Variants in CHN2 observed in about 807,000 individuals in gnomAD.
The protein encoded by CHN2 is beta-chimaerin.
A neutral mutation model predicts 56.3 loss-of-function variants in CHN2; 35 were observed. The observed-to-expected ratio is 0.62, with a 90% CI of 0.47 to 0.82. CHN2 has a LOEUF of 0.82. CHN2 is among the 40% of genes least tolerant of loss of function. The pLI is 0.00. For synonymous variants in CHN2, 210 were observed against 212.8 expected (o/e 0.99, Z 0.12); for missense variants, 491 against 580.5 (o/e 0.85, Z 1.58).
chr7:29,263,235 G>T (rs1016178896), intron 1 of CHN2, among the ~76,000 whole-genome samples: 4 of 152,216 alleles, frequency 2.6e-5, no homozygotes, highest in Non-Finnish European at 5.9e-5. Context: ...TCGCCGTGTT[G>T]GCCGGGCTGG....
intron 6 of CHN2, among the ~76,000 whole-genome samples, chr7:29,459,844 C>T (rs964348064): frequency 2.6e-5 from 4 of 152,126 alleles, no homozygotes; most frequent in Non-Finnish European, 4.4e-5. Flanking sequence ...GCTTGTCTAT[C>T]GTTACCATTA....
At chr7:29,344,529 T>A (rs1797278246) in intron 1 of CHN2, among the ~76,000 whole-genome samples, 1 of 152,136 alleles carries the variant, frequency 6.6e-6, no homozygotes, top group African/African-American at 2.4e-5. Context: ...CTCAGTGCCA[T>A]GTCCTGTCTT....
chr7:29,157,011 C>G lies in CHN2; in HGVS notation c.274+10051C>G, dbSNP rs553143654. Among the ~76,000 whole-genome samples, 5 of 152,316 alleles carry G rather than the reference C, an allele frequency of 3.3e-5. No individual in the cohort carries two copies. The East Asian group carries it at 9.6e-4, about 29-fold the overall frequency. ...TTCACACATTGGTCCACCCTACCCC[C>G]ACTTGATGTCAGCAGGAAGTAATCT... On this transcript the variant is annotated intron_variant, in intron 2 of 6. Coordinates refer to the CHN2 transcript ENST00000439384.
intron 6 of CHN2, among the ~76,000 whole-genome samples, chr7:29,427,232 C>T (rs937329144): frequency 2.0e-5 from 3 of 152,206 alleles, no homozygotes; most frequent in African/African-American, 7.2e-5. Flanking sequence ...ACAAGAATCT[C>T]TTCAACCTGG....
chr7:29,192,069 G>C (rs146270615), upstream of CHN2: 1 of 152,156 alleles, frequency 6.6e-6, no homozygotes, highest in Non-Finnish European at 1.5e-5. Context: ...TCTGAACCTG[G>C]AGCTTTCTGT....
chr7:29,412,346 T>TTTG (rs1803315897), intron 6 of CHN2, among the ~76,000 whole-genome samples: 1 of 102,332 alleles, frequency 9.8e-6, no homozygotes, highest in African/African-American at 3.8e-5. Context: ...TTTTTTTTTT[T>TTTG]TTGGGAGACG....
chr7:29,165,171 T>C (rs1795743357), intron 2 of CHN2, among the ~76,000 whole-genome samples: 1 of 152,198 alleles, frequency 6.6e-6, no homozygotes, highest in Non-Finnish European at 1.5e-5. Context: ...TAATATAGTT[T>C]TTGATTTATG....
At chr7:29,483,117 G>C (rs1425964645) in intron 7 of CHN2, among the ~76,000 whole-genome samples, 1 of 151,986 alleles carries the variant, frequency 6.6e-6, no homozygotes, top group East Asian at 1.9e-4. Flanking sequence ...CACCGCGCCC[G>C]GCCTGCACTT....
At chr7:29,164,211 C>T (rs1206797254) in intron 2 of CHN2, among the ~76,000 whole-genome samples, 2 of 152,118 alleles carry the variant, frequency 1.3e-5, no homozygotes, top group Non-Finnish European at 2.9e-5. Context: ...GTCAACTCAC[C>T]GTGATTTAAA....
At chr7:29,240,816 TTCGTCGTCG>T (rs3046891) in intron 1 of CHN2, among the ~76,000 whole-genome samples, 2 of 149,442 alleles carry the variant, frequency 1.3e-5, no homozygotes, top group Non-Finnish European at 3.0e-5. Context: ...CTTCTTCTTC[TTCGTCGTCG>T]TCGTCGTCGT....
intron 3 of CHN2, among the ~76,000 whole-genome samples, chr7:29,374,623 C>T (rs775789715): frequency 2.0e-5 from 3 of 151,964 alleles, no homozygotes; most frequent in African/African-American, 7.3e-5. Context: ...AGTTCAGAGC[C>T]AAGGGGAGCA....
At chr7:29,482,797 C>CTTTTCTTTTTTTTTTTTTTTT (rs1787429870) in intron 7 of CHN2, among the ~76,000 whole-genome samples, 1 of 64,206 alleles carries the variant, frequency 1.6e-5, no homozygotes. Flanking sequence ...GCACTTTTTT[C>CTTTTCTTTTTTTTTTTTTTTT]TTTTTTTTTT....
chr7:29,263,369 G>A (rs964863094), intron 1 of CHN2, among the ~76,000 whole-genome samples: 14 of 152,164 alleles, frequency 9.2e-5, no homozygotes, highest in Non-Finnish European at 1.6e-4. Context: ...GCGTGATCTC[G>A]GATCGCTACA....
At chr7:29,325,236 C>T (rs549305204) in intron 1 of CHN2, among the ~76,000 whole-genome samples, 1 of 152,346 alleles carries the variant, frequency 6.6e-6, no homozygotes, top group Admixed American at 6.5e-5. Flanking sequence ...CCTCAACAGA[C>T]TCTCCCAGCG....
chr7:29,286,463 A>G (rs1314241767), intron 1 of CHN2, among the ~76,000 whole-genome samples: 2 of 151,996 alleles, frequency 1.3e-5, no homozygotes, highest in African/African-American at 4.8e-5. Flanking sequence ...GGGGAGGGAG[A>G]TGAAGGGACA....
rs890029479 is a variant in CHN2, at chr7:29,153,432, C to A, written c.274+6472C>A. Among the ~76,000 whole-genome samples, 4 of 152,316 alleles carry A rather than the reference C, an allele frequency of 2.6e-5. No individual in the cohort carries two copies. In the East Asian group the frequency reaches 7.7e-4, roughly 29 times the overall value. ...CTCTCTACCTTTTCTGGTTTTGCCA[C>A]CCCTGAGACATCAGGACCAACCCCT... On this transcript the variant is annotated intron_variant, in intron 2 of 6. Transcript: ENST00000439384.
intron 3 of CHN2, among the ~76,000 whole-genome samples, chr7:29,374,848 CCTG>C (rs1415729428): frequency 3.6e-4 from 53 of 148,582 alleles, no homozygotes; most frequent in African/African-American, 1.1e-3. Context: ...TTCCTTCCTT[CCTG>C]CCTCCCTCCC....
intron 1 of CHN2, among the ~76,000 whole-genome samples, chr7:29,309,182 GT>G (rs1267343096): frequency 6.6e-6 from 1 of 151,304 alleles, no homozygotes; most frequent in Non-Finnish European, 1.5e-5. Context: ...CTTTTTTTTT[GT>G]TTTTGTTTTT....
chr7:29,440,684 CAAAAAAAAAAAAAA>C (rs556692737), intron 6 of CHN2, among the ~76,000 whole-genome samples: 76 of 45,674 alleles, frequency 1.7e-3, no homozygotes, highest in South Asian at 4.8e-3. Context: ...GACTCCGTCT[CAAAAAAAAAAAAAA>C]AAAAAAAAAA....
Sources: allele counts gnomAD v4.1 joint callset (sites outside exome capture counted in the v4.1 genomes callset), GRCh38; gene constraint gnomAD v4.1.1; transcripts MANE v1.5; gene names NCBI Gene and HGNC (gene_info 2026-07-23, HGNC 2026-07-21).